Variants in LPCAT1 observed in about 807,000 individuals in gnomAD.
LPCAT1 encodes lysophosphatidylcholine acyltransferase 1.
LPCAT1 carries 23 observed loss-of-function variants against 60.9 expected under a neutral mutation model. The ratio of observed to expected loss-of-function variants is 0.38; its 90% CI spans 0.27 to 0.53. LPCAT1 has a LOEUF of 0.53. Ranked by LOEUF, LPCAT1 falls within the 20% of genes least tolerant of loss-of-function variation. LPCAT1 has a pLI of 0.82. For missense variants in LPCAT1, 622 were observed against 723.6 expected (o/e 0.86, Z 1.61); for synonymous variants, 340 against 301.1 (o/e 1.13, Z -1.34).
In LPCAT1 at chr5:1,521,119, G is replaced by T. The variant is rs563210916; in HGVS notation, c.135+2591C>A. 6.6e-6 allele frequency among the ~76,000 whole-genome samples: 1 copy of T among 152,174 alleles called. No homozygotes were observed. The highest frequency in any genetic ancestry group is 1.5e-5 in the Non-Finnish European group (1 of 68,026). On this transcript the variant is annotated intron_variant, in intron 1 of 13. Coordinates refer to ENST00000283415, the MANE Select transcript of LPCAT1 (RefSeq NM_024830.5). The surrounding 1 kb of genome is among the most constrained non-coding windows in gnomAD (Gnocchi z 4.3). ...AATCTATATCCTTGCTTTAGCCAGA[G>T]GATTAAAACATTGCACGTATTACAG...
chr5:1,502,243 G>A lies in LPCAT1; in HGVS notation c.136-640C>T, dbSNP rs774369569. Among the ~76,000 whole-genome samples, 8 of 151,808 alleles carry A rather than the reference G, an allele frequency of 5.3e-5. No homozygotes were observed. Among genetic ancestry groups the A allele is most frequent in the Non-Finnish European group, 7.4e-5 (5 of 67,948 alleles). On this transcript the variant is annotated intron_variant, in intron 1 of 13. Coordinates refer to ENST00000283415, the MANE Select transcript of LPCAT1 (RefSeq NM_024830.5). This position sits in a 1 kb window ranked among gnomAD's most constrained non-coding sequence, Gnocchi z 5.5. The stretch of plus-strand genomic sequence containing the variant: ...CCCAGGCAGCTCCACCCCGCAGGAC[G>A]CACCCCCAGGCAGCTCCGCCCCCCA...
intron 1 of LPCAT1, among the ~76,000 whole-genome samples, chr5:1,512,628 G>A (rs937233290): frequency 3.9e-5 from 6 of 152,152 alleles, no homozygotes; most frequent in African/African-American, 1.4e-4. Context: ...TGACTCCCTC[G>A]GGCCCCCTGA....
intron 1 of LPCAT1, among the ~76,000 whole-genome samples, chr5:1,509,933 G>A (rs1015412259): frequency 1.3e-5 from 2 of 152,246 alleles, no homozygotes; most frequent in Admixed American, 6.5e-5. Flanking sequence ...CCTGCAGGAG[G>A]AGGGATGGGC....
chr5:1,492,366 T>C (rs944962316), intron 3 of LPCAT1, among the ~76,000 whole-genome samples: 4 of 151,414 alleles, frequency 2.6e-5, no homozygotes, highest in Non-Finnish European at 4.4e-5. Flanking sequence ...CCTGGGGAGA[T>C]GGTTTTGAGC....
At chr5:1,488,499 A>G (rs1450932275) in intron 4 of LPCAT1, 48 bp from the exon 5 acceptor site, 4 of 1,282,794 alleles carry the variant, frequency 3.1e-6, no homozygotes, top group Middle Eastern at 1.9e-4. Flanking sequence ...GTACATAATT[A>G]TAATTCAGAA....
At chr5:1,501,808 C>T (rs1979395) in intron 1 of LPCAT1, among the ~76,000 whole-genome samples, 8,441 of 152,036 alleles carry the variant, frequency 0.056, 346 homozygotes, top group East Asian at 0.19. Context: ...TGCTGACCGG[C>T]GCTGACCAAG....
At chr5:1,511,909 G>A (rs1026659954) in intron 1 of LPCAT1, among the ~76,000 whole-genome samples, 2 of 152,240 alleles carry the variant, frequency 1.3e-5, no homozygotes, top group African/African-American at 2.4e-5. Flanking sequence ...GCAGCCTCAT[G>A]GCTGGGGATG....
intron 1 of LPCAT1, among the ~76,000 whole-genome samples, chr5:1,511,487 G>T (rs1341118580): frequency 6.8e-6 from 1 of 147,900 alleles, no homozygotes; most frequent in African/African-American, 2.6e-5. Flanking sequence ...ACTTGGGGAT[G>T]CACCTGCTCA....
rs1736049506 is a variant in LPCAT1 at position 1,502,369 on chromosome 5, AGGGGGAG to A, written c.136-773_136-767del. ...CGCCACCCTAGGCAGTGTTGGTGAC[AGGGGGAG>A]GTAGCTGGCCTGCAGTTTGCAAGGT... On this transcript the variant is annotated intron_variant, in intron 1 of 13. Coordinates refer to ENST00000283415, the MANE Select transcript of LPCAT1 (RefSeq NM_024830.5). This position sits in a 1 kb window ranked among gnomAD's most constrained non-coding sequence, Gnocchi z 5.5. Among the ~76,000 whole-genome samples, 1 of 152,186 alleles carries A rather than the reference AGGGGGAG, an allele frequency of 6.6e-6. No individual in the cohort carries two copies. The highest frequency in any genetic ancestry group is 6.5e-5 in the Admixed American group (1 of 15,286).
chr5:1,494,179 G>A (rs1269200028), intron 3 of LPCAT1, among the ~76,000 whole-genome samples: 1 of 152,244 alleles, frequency 6.6e-6, no homozygotes, highest in Non-Finnish European at 1.5e-5. Context: ...TGCATGGGCA[G>A]CCCTGCCGAC....
intron 3 of LPCAT1, among the ~76,000 whole-genome samples, chr5:1,493,651 C>T (rs752332702): frequency 4.6e-5 from 7 of 152,270 alleles, no homozygotes; most frequent in East Asian, 1.9e-4. Context: ...GAGGACAGAA[C>T]GGGCCCAGAT....
rs969309665 is a variant in LPCAT1, at chr5:1,489,633, G to A, written c.606+113C>T. 5 of 841,536 alleles carry A rather than the reference G, an allele frequency of 5.9e-6. 1 individual carries two copies. In the African/African-American group the frequency reaches 6.6e-5, roughly 11 times the overall value. 52.1% of individuals were successfully genotyped at this position (841,536 alleles called of 1,614,324 possible). ...TGAGTTCACGCACTCACTAGGAGAA[G>A]AGAATCAGAATCCAGCCCCGGAGGA... On this transcript the variant is annotated intron_variant, in intron 4 of 13. Transcript: ENST00000283415.
chr5:1,488,285 T>C (rs1237006905), intron 5 of LPCAT1, 106 bp downstream of exon 5: 1 of 687,696 alleles, frequency 1.5e-6, no homozygotes, highest in Admixed American at 2.9e-5. Context: ...GCACACAGGA[T>C]AAAAACAGAA....
rs73031875 is a variant in LPCAT1 at position 1,487,046 on chromosome 5, C to G, written c.667+1345G>C. Among the ~76,000 whole-genome samples the G allele has an allele frequency of 6.6e-6, 1 of 152,218 alleles. No homozygotes were observed. The highest frequency in any genetic ancestry group is 6.5e-5 in the Admixed American group (1 of 15,292). Reference sequence around the variant, plus strand: ...CACAAGGGCCGCCAGCTCCAAAGGGCAAGGCGATGGCCCTCCCCAGGGGCC... The same window carrying G: ...CACAAGGGCCGCCAGCTCCAAAGGGGAAGGCGATGGCCCTCCCCAGGGGCC... On this transcript the variant is annotated intron_variant, in intron 5 of 13. Coordinates refer to ENST00000283415, the MANE Select transcript of LPCAT1 (RefSeq NM_024830.5). This position sits in a 1 kb window ranked among gnomAD's most constrained non-coding sequence, Gnocchi z 6.1.
intron 1 of LPCAT1, among the ~76,000 whole-genome samples, chr5:1,511,867 C>T (rs1017421350): frequency 1.3e-5 from 2 of 152,208 alleles, no homozygotes; most frequent in East Asian, 1.9e-4. Context: ...TGGCACCCTC[C>T]TGCTTGCCAC....
Position 1,521,599 on chromosome 5 carries a change from T to C in LPCAT1, c.135+2111A>G. On this transcript the variant is annotated intron_variant, in intron 1 of 13. Transcript: ENST00000283415. The surrounding 1 kb of genome is among the most constrained non-coding windows in gnomAD (Gnocchi z 4.3). ...ACAAACTAAACCCTTGAGCCACACA[T>C]TGCAGACATCCAGCAGAAACGACTG... 2.4e-6 allele frequency: 1 copy of C among 413,146 alleles called. No individual in the cohort carries two copies. The highest frequency in any genetic ancestry group is 3.3e-6 in the Non-Finnish European group (1 of 307,048). 25.6% of individuals were successfully genotyped at this position (413,146 alleles called of 1,614,324 possible).
chr5:1,501,286 C>T (rs570030886), intron 2 of LPCAT1, among the ~76,000 whole-genome samples, 175 bp downstream of exon 2: 3 of 152,222 alleles, frequency 2.0e-5, no homozygotes, highest in East Asian at 1.9e-4. Flanking sequence ...ACAGAGGCAA[C>T]GGGGAGGTGG....
chr5:1,464,174 G>A (rs1191851575), intron 13 of LPCAT1, among the ~76,000 whole-genome samples: 1 of 152,210 alleles, frequency 6.6e-6, no homozygotes. Flanking sequence ...GCTGGCTCAG[G>A]GACAAGACCA....
rs1461388207 is a variant in LPCAT1 at position 1,463,973 on chromosome 5, G to T, written c.1421-138C>A. The T allele has an allele frequency of 5.8e-6, 5 of 859,922 alleles. No individual in the cohort carries two copies. In the Admixed American group the frequency reaches 1.2e-4, roughly 21 times the overall value. 53.3% of individuals were successfully genotyped at this position (859,922 alleles called of 1,614,324 possible). A position where few individuals can be genotyped will look rare whatever the true frequency, so the allele number is the denominator to read the frequency against. ...GGTTAGAATCGTCTGTGAAACGGAT[G>T]CTTTCAGGGTGGAGAGAAGAACTTG... is the stretch of plus-strand genomic sequence containing the variant. On this transcript the variant is annotated intron_variant, in intron 13 of 13. Transcript: ENST00000283415.
Sources: allele counts gnomAD v4.1 joint callset (sites outside exome capture counted in the v4.1 genomes callset), GRCh38; gene constraint gnomAD v4.1.1; non-coding constraint Gnocchi (gnomAD v3.1); transcripts MANE v1.5; gene names NCBI Gene and HGNC (gene_info 2026-07-23, HGNC 2026-07-21).